Variants in PCDHGB2 observed in about 807,000 individuals in gnomAD.
PCDHGB2 encodes the protein protocadherin gamma subfamily B, 2.
A neutral mutation model predicts 59.3 loss-of-function variants in PCDHGB2; 55 were observed. The ratio of observed to expected loss-of-function variants is 0.93; its 90% CI spans 0.75 to 1.16. PCDHGB2 has a LOEUF of 1.16. Among genes scored for constraint, PCDHGB2 ranks in the 50% most tolerant of loss-of-function variants. The probability of loss-of-function intolerance (pLI) is 0.00; values close to 1 mark genes in which losing one functional copy is unlikely to be tolerated. For synonymous variants in PCDHGB2, 516 were observed against 512.0 expected, an observed-to-expected ratio of 1.01 and a Z score of -0.11; for missense variants, 1,228 against 1,198.5, an observed-to-expected ratio of 1.02 and a Z score of -0.36.
chr5:141,383,714 G>C, intron 1 of PCDHGB2: 1 of 1,613,972 alleles, frequency 6.2e-7, no homozygotes, highest in Non-Finnish European at 8.5e-7. Flanking sequence ...CTGGACGAGG[G>C]AGTCAATGGG....
At chr5:141,390,341 A>T (rs766269615) in intron 1 of PCDHGB2, 5 of 1,587,538 alleles carry the variant, frequency 3.1e-6, no homozygotes, top group Non-Finnish European at 4.3e-6. Flanking sequence ...CATATTCACA[A>T]GAAAATATAC....
At chr5:141,430,575 A>G in intron 1 of PCDHGB2, 2 of 455,822 alleles carry the variant, frequency 4.4e-6, no homozygotes, top group East Asian at 3.5e-5. Flanking sequence ...AAAAGCGGAG[A>G]TCCTGCTCGC....
chr5:141,432,991 CG>C lies in PCDHGB2; in HGVS notation c.2422-61812del. 1.9e-6 allele frequency: 3 copies of C among 1,614,200 alleles called. No homozygotes were observed. Among genetic ancestry groups the C allele is most frequent in the Non-Finnish European group, 2.5e-6 (3 of 1,180,030 alleles). On this transcript the variant is annotated intron_variant, in intron 1 of 3. Transcript: ENST00000522605. This position sits in a 1 kb window ranked among gnomAD's most constrained non-coding sequence, Gnocchi z 6.0. ...CGGCGTCGCACTTTGTGGGCGTGGACGGGGTGCAGGCTTTCCTGCAGACCTA... is the reference window on the plus strand; with the variant it reads ...CGGCGTCGCACTTTGTGGGCGTGGACGGGTGCAGGCTTTCCTGCAGACCTA...
chr5:141,403,961 G>T (rs763967342), intron 1 of PCDHGB2: 14 of 1,613,774 alleles, frequency 8.7e-6, no homozygotes, highest in Middle Eastern at 1.6e-4. Context: ...GCTCATTTCG[G>T]TGGAAGATGT....
intron 1 of PCDHGB2, among the ~76,000 whole-genome samples, chr5:141,481,109 A>G (rs959629019): frequency 6.6e-6 from 1 of 152,186 alleles, no homozygotes; most frequent in Non-Finnish European, 1.5e-5. Flanking sequence ...GGAACCTACC[A>G]ATCCATCATT....
At chr5:141,416,004 A>G (rs1225801773) in intron 1 of PCDHGB2, 2 of 254,264 alleles carry the variant, frequency 7.9e-6, no homozygotes, top group Non-Finnish European at 1.4e-5. Flanking sequence ...CAGGTCTGGT[A>G]AGAATAGGTA....
At position 141,486,891 on chromosome 5, in the gene PCDHGB2, G is replaced by A. The variant is rs201201426; in HGVS notation, c.2422-7916G>A. 38 of 1,614,118 alleles carry A rather than the reference G, an allele frequency of 2.4e-5. No individual in the cohort carries two copies. The highest frequency in any genetic ancestry group is 3.1e-5 in the Non-Finnish European group (37 of 1,180,064). Reference sequence around the variant, plus strand: ...GTGCTCCGTCCTCGGGCCCGGCCTGGTTCCTTATGTCCCCAAGCACTGCCT... The same window carrying A: ...GTGCTCCGTCCTCGGGCCCGGCCTGATTCCTTATGTCCCCAAGCACTGCCT... On this transcript the variant is annotated intron_variant, in intron 1 of 3. Coordinates refer to ENST00000522605, the MANE Select transcript of PCDHGB2 (RefSeq NM_018923.3). This position sits in a 1 kb window ranked among gnomAD's most constrained non-coding sequence, Gnocchi z 5.0.
chr5:141,431,228 G>C lies in PCDHGB2; in HGVS notation c.2422-63579G>C, dbSNP rs772199359. The stretch of plus-strand genomic sequence containing the variant: ...TGAGATGCGGTTCCCTCTACCCCAC[G>C]CCTGGGATCCGGATATCGGGAAGAA... On this transcript the variant is annotated intron_variant, in intron 1 of 3. Coordinates refer to ENST00000522605, the MANE Select transcript of PCDHGB2 (RefSeq NM_018923.3). The surrounding 1 kb of genome is among the most constrained non-coding windows in gnomAD (Gnocchi z 4.8). The C allele has an allele frequency of 1.9e-6, 3 of 1,614,000 alleles. No individual in the cohort carries two copies. The African/African-American group carries it at 4.0e-5, about 22-fold the overall frequency.
intron 1 of PCDHGB2, chr5:141,423,496 G>A (rs1049120602): frequency 1.2e-6 from 2 of 1,613,804 alleles, no homozygotes; most frequent in African/African-American, 1.3e-5. Flanking sequence ...CTATTCCCAC[G>A]AGGTCTCTCT....
rs182104750 is a variant in PCDHGB2 at position 141,376,315 on chromosome 5, A to C, written c.2421+13759A>C. 8.5e-4 allele frequency: 1,369 copies of C among 1,614,156 alleles called. 7 individuals are homozygous for C. The Middle Eastern group carries it at 0.016, about 18-fold the overall frequency. On this transcript the variant is annotated intron_variant, in intron 1 of 3. Coordinates refer to ENST00000522605, the MANE Select transcript of PCDHGB2 (RefSeq NM_018923.3). ...CCGGCTCGCACTTTGTGGGCGTGGA[A>C]GGGGTTCGGGCTTTCCTGCAGACCT...
Position 141,490,350 on chromosome 5 carries a change from G to T in PCDHGB2, c.2422-4457G>T. On this transcript the variant is annotated intron_variant, in intron 1 of 3. Transcript: ENST00000522605. This position sits in a 1 kb window ranked among gnomAD's most constrained non-coding sequence, Gnocchi z 5.4. Reference sequence around the variant, plus strand: ...GCACACCAGTGGGCACAGTAGTGGGGTTGTTTAATGTGCGAGACCGGGACT... The same window carrying T: ...GCACACCAGTGGGCACAGTAGTGGGTTTGTTTAATGTGCGAGACCGGGACT... 2 of 1,614,204 alleles carry T rather than the reference G, an allele frequency of 1.2e-6. No homozygotes were observed. The highest frequency in any genetic ancestry group is 1.7e-6 in the Non-Finnish European group (2 of 1,180,034).
intron 1 of PCDHGB2, among the ~76,000 whole-genome samples, chr5:141,469,340 G>A (rs1412181099): frequency 6.6e-6 from 1 of 152,138 alleles, no homozygotes; most frequent in Non-Finnish European, 1.5e-5. Context: ...ACTTTGGGAG[G>A]CTGAGGTGGA....
chr5:141,418,666 G>C, intron 1 of PCDHGB2: 1 of 1,614,038 alleles, frequency 6.2e-7, no homozygotes, highest in Non-Finnish European at 8.5e-7. Context: ...CCACTGACCA[G>C]GACGAGGGCA....
At position 141,432,987 on chromosome 5, in the gene PCDHGB2, T is replaced by C. The variant is rs1259121931; in HGVS notation, c.2422-61820T>C. ...GCGCCGGCGTCGCACTTTGTGGGCGTGGACGGGGTGCAGGCTTTCCTGCAG... is the reference window on the plus strand; with the variant it reads ...GCGCCGGCGTCGCACTTTGTGGGCGCGGACGGGGTGCAGGCTTTCCTGCAG... On this transcript the variant is annotated intron_variant, in intron 1 of 3. Coordinates refer to ENST00000522605, the MANE Select transcript of PCDHGB2 (RefSeq NM_018923.3). The surrounding 1 kb of genome is among the most constrained non-coding windows in gnomAD (Gnocchi z 6.0). The C allele has an allele frequency of 3.7e-6, 6 of 1,614,174 alleles. No individual in the cohort carries two copies. Among genetic ancestry groups the C allele is most frequent in the Non-Finnish European group, 5.1e-6 (6 of 1,180,032 alleles).
intron 1 of PCDHGB2, among the ~76,000 whole-genome samples, chr5:141,381,826 C>CTTCTTTT (rs1777532522): frequency 2.4e-4 from 18 of 74,296 alleles, no homozygotes; most frequent in Admixed American, 1.2e-3. Context: ...CTTTCTTCTT[C>CTTCTTTT]TTTTTTTTTT....
chr5:141,392,883 T>C, intron 1 of PCDHGB2: 1 of 1,613,518 alleles, frequency 6.2e-7, no homozygotes, highest in Non-Finnish European at 8.5e-7. Flanking sequence ...GGGAACGCTG[T>C]GGGAAATCGG....
At chr5:141,388,471 T>C (rs758013989) in intron 1 of PCDHGB2, 1 of 1,613,844 alleles carries the variant, frequency 6.2e-7, no homozygotes, top group South Asian at 1.1e-5. Context: ...GAGATGGTAT[T>C]GAAGACACCT....
At chr5:141,425,640 C>G (rs2096886863) in intron 1 of PCDHGB2, among the ~76,000 whole-genome samples, 1 of 152,206 alleles carries the variant, frequency 6.6e-6, no homozygotes, top group Non-Finnish European at 1.5e-5. Flanking sequence ...TCTGATAAAA[C>G]TAGGAGGAAA....
intron 1 of PCDHGB2, 24 bp downstream of exon 1, chr5:141,362,580 C>T: frequency 6.2e-7 from 1 of 1,603,290 alleles, no homozygotes; most frequent in Non-Finnish European, 8.5e-7. Flanking sequence ...AATTTATTTT[C>T]ACTTCTGGTT....
Sources: allele counts gnomAD v4.1 joint callset (sites outside exome capture counted in the v4.1 genomes callset), GRCh38; gene constraint gnomAD v4.1.1; non-coding constraint Gnocchi (gnomAD v3.1); transcripts MANE v1.5; gene names NCBI Gene and HGNC (gene_info 2026-07-23, HGNC 2026-07-21).